ZNF420: variants seen among roughly 807,000 people sequenced by gnomAD.
The protein encoded by ZNF420 is ATM and p53-associated KZNF protein.
A neutral mutation model predicts 44.7 loss-of-function variants in ZNF420; 31 were observed. The ratio of observed to expected loss-of-function variants is 0.69; its 90% CI spans 0.52 to 0.94. The LOEUF (loss-of-function observed/expected upper bound fraction) is 0.94. Among genes scored for constraint, ZNF420 ranks in the 40% least tolerant of loss-of-function variants. The probability of loss-of-function intolerance (pLI) is 0.00; values close to 1 mark genes in which losing one functional copy is unlikely to be tolerated. For synonymous variants in ZNF420, 245 were observed against 267.4 expected (o/e 0.92, Z 0.82); for missense variants, 681 against 827.9 (o/e 0.82, Z 2.18).
At chr19:37,083,134 C>T (rs1413334192) in intron 2 of ZNF420, among the ~76,000 whole-genome samples, 5 of 151,032 alleles carry the variant, frequency 3.3e-5, no homozygotes, top group Non-Finnish European at 7.4e-5. Flanking sequence ...GCTGGGATTA[C>T]AGGCGTGAGC....
intron 1 of ZNF420, among the ~76,000 whole-genome samples, chr19:37,047,905 G>A (rs1360609340): frequency 6.6e-6 from 1 of 152,176 alleles, no homozygotes; most frequent in Non-Finnish European, 1.5e-5. Context: ...ATGGTTAAAT[G>A]CTGGTTTTTA....
chr19:37,041,979 T>C (rs1967461302), intron 1 of ZNF420, among the ~76,000 whole-genome samples: 1 of 152,154 alleles, frequency 6.6e-6, no homozygotes, highest in African/African-American at 2.4e-5. Flanking sequence ...CCAGCGTCTA[T>C]TTTCTTTTTT....
chr19:37,043,453 C>A (rs1568427645), intron 1 of ZNF420, among the ~76,000 whole-genome samples: 2 of 152,192 alleles, frequency 1.3e-5, no homozygotes, highest in African/African-American at 2.4e-5. Context: ...TCCTGTTAAA[C>A]AGGTTTCGGG....
intron 4 of ZNF420, among the ~76,000 whole-genome samples, chr19:37,108,086 T>G (rs1004168371): frequency 3.9e-5 from 6 of 152,296 alleles, no homozygotes; most frequent in African/African-American, 1.2e-4. Flanking sequence ...GATTTGCCAA[T>G]TTTTGATCAA....
chr19:37,095,015 C>T (rs1455379711), intron 4 of ZNF420, among the ~76,000 whole-genome samples: 1 of 151,694 alleles, frequency 6.6e-6, no homozygotes, highest in Non-Finnish European at 1.5e-5. Flanking sequence ...CCTGTAATCC[C>T]AGCTACTCAG....
intron 4 of ZNF420, among the ~76,000 whole-genome samples, chr19:37,100,291 C>T (rs758212911): frequency 4.0e-5 from 6 of 151,666 alleles, no homozygotes; most frequent in Non-Finnish European, 8.8e-5. Flanking sequence ...TTCCTGGGTT[C>T]TCTATCCTGT....
At chr19:37,071,302 A>G (rs953224543) in intron 1 of ZNF420, among the ~76,000 whole-genome samples, 6 of 152,260 alleles carry the variant, frequency 3.9e-5, no homozygotes, top group African/African-American at 1.4e-4. Context: ...AATGTTGACA[A>G]AAAAGCGAGT....
intron 1 of ZNF420, among the ~76,000 whole-genome samples, chr19:37,055,456 G>A (rs1054105919): frequency 2.0e-5 from 3 of 152,264 alleles, no homozygotes; most frequent in Non-Finnish European, 2.9e-5. Flanking sequence ...CTGGGGGTCC[G>A]GCCCCGAAGT....
At chr19:37,093,474 C>T (rs1242035179) in intron 4 of ZNF420, among the ~76,000 whole-genome samples, 1 of 152,278 alleles carries the variant, frequency 6.6e-6, no homozygotes, top group Non-Finnish European at 1.5e-5. Context: ...GCCCACCTCC[C>T]TCCCAAAGTG....
At chr19:37,100,623 G>T (rs1193985850) in intron 4 of ZNF420, among the ~76,000 whole-genome samples, 1 of 152,036 alleles carries the variant, frequency 6.6e-6, no homozygotes, top group African/African-American at 2.4e-5. Context: ...TGAGGCAGGA[G>T]AATCACGTGA....
rs565522437 is a variant in ZNF420 at position 37,090,999 on chromosome 19, T to G, written c.14T>G (p.Leu5Ter). MARK[L>*]VMFRDVAIDF... is the part of the protein sequence containing the mutation. ...ACATTTTGTTTGTTGTTTCAGAAAT[T>G]AGTGATGTTCAGGGATGTTGCCATT... Residue 5 changes from leucine to a stop codon, truncating the protein, a stop_gained, in exon 4 of 5, where the codon TTA (leucine) becomes TGA (stop). Transcript: ENST00000337995. LOFTEE classifies it high-confidence loss of function. The G allele has an allele frequency of 1.7e-5, 28 of 1,609,126 alleles. No homozygotes were observed. Among genetic ancestry groups the G allele is most frequent in the Non-Finnish European group, 2.4e-5 (28 of 1,178,680 alleles).
rs182417638 is a variant in ZNF420, at chr19:37,082,764, A to G, written c.-81+2376A>G. ...ATTACTGTGTTTAAAAGTCGTCTAC[A>G]ATAACACTTCTCGTATGGTTAAGCT... is the stretch of plus-strand genomic sequence containing the variant. On this transcript the variant is annotated intron_variant, in intron 2 of 4. Transcript: ENST00000337995. 2.2e-3 allele frequency among the ~76,000 whole-genome samples: 341 copies of G among 152,340 alleles called. 2 individuals carry two copies. The highest frequency in any genetic ancestry group is 3.6e-3 in the Non-Finnish European group (244 of 68,032).
intron 1 of ZNF420, among the ~76,000 whole-genome samples, chr19:37,028,907 T>C (rs1196303401): frequency 6.7e-6 from 1 of 148,840 alleles, no homozygotes; most frequent in Non-Finnish European, 1.5e-5. Context: ...TAATATCTTT[T>C]CATAATAGAA....
At chr19:37,076,942 G>C (rs572774818), upstream of ZNF420, among the ~76,000 whole-genome samples, 1 of 152,082 alleles carries the variant, frequency 6.6e-6, no homozygotes, top group South Asian at 2.1e-4. Context: ...ACACACACAG[G>C]TTCATTCCCT....
chr19:37,069,050 A>G (rs1273204077), intron 1 of ZNF420, among the ~76,000 whole-genome samples: 1 of 152,310 alleles, frequency 6.6e-6, no homozygotes, highest in South Asian at 2.1e-4. Flanking sequence ...AAGAGATACA[A>G]TCAGTAAGAT....
intron 3 of ZNF420, among the ~76,000 whole-genome samples, chr19:37,090,734 A>G (rs914257371): frequency 6.6e-6 from 1 of 152,060 alleles, no homozygotes; most frequent in Admixed American, 6.6e-5. Flanking sequence ...AGCCTGGCCA[A>G]GATGATGAAA....
At chr19:37,026,120 C>T (rs1295791123) in intron 1 of ZNF420, among the ~76,000 whole-genome samples, 1 of 151,846 alleles carries the variant, frequency 6.6e-6, no homozygotes, top group Non-Finnish European at 1.5e-5. Context: ...TCAAGAGCAG[C>T]CTGATCAACA....
chr19:37,081,260 T>G (rs1387553621), intron 2 of ZNF420, among the ~76,000 whole-genome samples: 1 of 152,102 alleles, frequency 6.6e-6, no homozygotes, highest in Non-Finnish European at 1.5e-5. Flanking sequence ...CAGAATATAC[T>G]TCATATGATT....
chr19:37,101,711 G>A lies in ZNF420; in HGVS notation c.136+10590G>A, dbSNP rs185917914. On this transcript the variant is annotated intron_variant, in intron 4 of 4. Coordinates refer to ENST00000337995, the MANE Select transcript of ZNF420 (RefSeq NM_144689.5). ...AAGGTTGTTGTGGCTCTCCACCTGG[G>A]TGGACCTAGAGAAAACCCAAGAAGG... Among the ~76,000 whole-genome samples the A allele has an allele frequency of 1.3e-3, 202 of 152,354 alleles. 1 individual carries two copies. The highest frequency in any genetic ancestry group is 4.2e-3 in the African/African-American group (175 of 41,586).
Sources: allele counts gnomAD v4.1 joint callset (sites outside exome capture counted in the v4.1 genomes callset), GRCh38; gene constraint gnomAD v4.1.1; transcripts MANE v1.5; gene names NCBI Gene and HGNC (gene_info 2026-07-23, HGNC 2026-07-21).